GRIA4: variants seen among roughly 807,000 people sequenced by gnomAD.
GRIA4 encodes the protein glutamate receptor 4.
Under a neutral mutation model 104.0 loss-of-function variants are expected in GRIA4, and 34 were observed. That is an observed-to-expected ratio of 0.33 (90% confidence interval 0.25 to 0.44). GRIA4 has a LOEUF of 0.44. GRIA4 is among the 20% of genes least tolerant of loss of function. The pLI, the probability that GRIA4 is intolerant of heterozygous loss-of-function variation, is 1.00. For synonymous variants in GRIA4, 386 were observed against 381.9 expected (o/e 1.01, Z -0.13); for missense variants, 750 against 1,096.5 (o/e 0.68, Z 4.46).
At chr11:105,692,093 T>C (rs75495717) in intron 3 of GRIA4, among the ~76,000 whole-genome samples, 1 of 152,054 alleles carries the variant, frequency 6.6e-6, no homozygotes, top group East Asian at 1.9e-4. Flanking sequence ...TGTAACAGAA[T>C]TTAGGAGATA....
chr11:105,753,968 C>G (rs1229180545), intron 4 of GRIA4, among the ~76,000 whole-genome samples: 2 of 152,096 alleles, frequency 1.3e-5, no homozygotes, highest in African/African-American at 4.8e-5. Flanking sequence ...GCCCTCCTAC[C>G]TCTGTCCTTT....
chr11:105,953,005 G>A lies in GRIA4; in HGVS notation c.2295-18909G>A, dbSNP rs892809252. On this transcript the variant is annotated intron_variant, in intron 14 of 16. Transcript: ENST00000282499. ...TAGCCCAAATTCTGCCTTTGGAAAT[G>A]AGTGCACAAATCCAATGAAGCAAAA... Among the ~76,000 whole-genome samples the A allele has an allele frequency of 4.6e-5, 7 of 152,318 alleles. No homozygotes were observed. The South Asian group carries it at 1.4e-3, about 32-fold the overall frequency.
At chr11:105,871,566 T>A (rs1288314352) in intron 5 of GRIA4, among the ~76,000 whole-genome samples, 2 of 151,696 alleles carry the variant, frequency 1.3e-5, no homozygotes, top group Non-Finnish European at 2.9e-5. Context: ...CTAACTGATT[T>A]ATAAAGACAG....
intron 3 of GRIA4, among the ~76,000 whole-genome samples, chr11:105,736,365 T>TTC (rs898717031): frequency 6.6e-6 from 1 of 152,048 alleles, no homozygotes; most frequent in Admixed American, 6.6e-5. Context: ...AGAATAGTCA[T>TTC]TCTCTCTCTC....
intron 5 of GRIA4, 86 bp from the exon 6 acceptor site, chr11:105,887,433 G>T: frequency 1.6e-6 from 1 of 617,336 alleles, no homozygotes; most frequent in Non-Finnish European, 2.8e-6. Flanking sequence ...ATTCTACATG[G>T]AATTATGCTA....
At chr11:105,799,023 A>G (rs1942608222) in intron 4 of GRIA4, among the ~76,000 whole-genome samples, 1 of 152,166 alleles carries the variant, frequency 6.6e-6, no homozygotes. Context: ...TGAGAGAACA[A>G]CAAGAGAAAT....
chr11:105,720,993 T>C (rs538534600), intron 3 of GRIA4, among the ~76,000 whole-genome samples: 6 of 152,306 alleles, frequency 3.9e-5, no homozygotes, highest in Admixed American at 1.3e-4. Flanking sequence ...GGAATGGGGC[T>C]GCCTAACTTG....
chr11:105,762,026 AT>A (rs68081839), intron 4 of GRIA4, among the ~76,000 whole-genome samples: 1,583 of 147,080 alleles, frequency 0.011, 32 homozygotes, highest in African/African-American at 0.036. Context: ...AGAAGTCTTA[AT>A]TTTTTTTTTT....
intron 4 of GRIA4, among the ~76,000 whole-genome samples, chr11:105,842,563 T>C (rs1473676544): frequency 2.0e-5 from 3 of 152,204 alleles, no homozygotes; most frequent in Non-Finnish European, 2.9e-5. Context: ...GGTACTTTCC[T>C]GGCACACGTT....
At chr11:105,745,742 T>C (rs1402364731) in intron 3 of GRIA4, among the ~76,000 whole-genome samples, 1 of 152,214 alleles carries the variant, frequency 6.6e-6, no homozygotes. Context: ...AGGAGGACTT[T>C]CGCAATCAAG....
At chr11:105,923,063 AC>A (rs1391521012) in intron 11 of GRIA4, among the ~76,000 whole-genome samples, 2 of 151,756 alleles carry the variant, frequency 1.3e-5, no homozygotes, top group Non-Finnish European at 2.9e-5. Flanking sequence ...CCCCATTCTA[AC>A]CCCCCAGTTG....
chr11:105,837,993 G>A (rs1214659166), intron 4 of GRIA4, among the ~76,000 whole-genome samples: 1 of 151,962 alleles, frequency 6.6e-6, no homozygotes, highest in African/African-American at 2.4e-5. Context: ...ATTTAGATTG[G>A]TTTCAAAACT....
intron 4 of GRIA4, among the ~76,000 whole-genome samples, chr11:105,791,751 A>G (rs1427752892): frequency 6.6e-6 from 1 of 152,208 alleles, no homozygotes; most frequent in East Asian, 1.9e-4. Flanking sequence ...AAGGCACCTG[A>G]GTGTCCAAAG....
chr11:105,861,510 C>A (rs1201433835), intron 4 of GRIA4, among the ~76,000 whole-genome samples: 1 of 152,028 alleles, frequency 6.6e-6, no homozygotes, highest in Non-Finnish European at 1.5e-5. Context: ...ATGCACCTGT[C>A]CTCATCAACA....
chr11:105,955,867 T>C (rs1948574821), intron 14 of GRIA4, among the ~76,000 whole-genome samples: 1 of 152,208 alleles, frequency 6.6e-6, no homozygotes, highest in African/African-American at 2.4e-5. Context: ...GTTTCTCTAA[T>C]GATCAATTAT....
At chr11:105,847,427 G>A (rs751814707) in intron 4 of GRIA4, among the ~76,000 whole-genome samples, 42 of 152,160 alleles carry the variant, frequency 2.8e-4, no homozygotes, top group Non-Finnish European at 5.6e-4. Context: ...ACAAGCTATA[G>A]TGTAAAATAT....
intron 3 of GRIA4, among the ~76,000 whole-genome samples, chr11:105,644,011 T>C (rs1951448992): frequency 2.0e-5 from 3 of 152,134 alleles, no homozygotes. Flanking sequence ...GAGCCACCAC[T>C]CCTGGCCCTT....
intron 14 of GRIA4, among the ~76,000 whole-genome samples, chr11:105,969,241 TA>T (rs1287378898): frequency 7.2e-5 from 11 of 151,808 alleles, no homozygotes; most frequent in Admixed American, 7.2e-4. Context: ...AATGCAAGAA[TA>T]AAGGAATTAG....
At chr11:105,745,007 T>C (rs1250564542) in intron 3 of GRIA4, among the ~76,000 whole-genome samples, 2 of 152,122 alleles carry the variant, frequency 1.3e-5, no homozygotes, top group Admixed American at 1.3e-4. Context: ...AACCTTTTAA[T>C]ACATGAAAAA....
Sources: allele counts gnomAD v4.1 joint callset (sites outside exome capture counted in the v4.1 genomes callset), GRCh38; gene constraint gnomAD v4.1.1; transcripts MANE v1.5; gene names NCBI Gene and HGNC (gene_info 2026-07-23, HGNC 2026-07-21).